EDA: variants seen among roughly 807,000 people sequenced by gnomAD.
The protein encoded by EDA is ectodysplasin-A.
EDA carries 2 observed loss-of-function variants against 23.6 expected under a neutral mutation model. That is an observed-to-expected ratio of 0.08 (90% CI 0.03 to 0.27). EDA has a LOEUF of 0.27. Among genes scored for constraint, EDA ranks in the 10% least tolerant of loss-of-function variants. The pLI is 1.00. For synonymous variants in EDA, 131 were observed against 132.0 expected (o/e 0.99, Z 0.05); for missense variants, 229 against 324.2 (o/e 0.71, Z 2.26).
intron 1 of EDA, among the ~76,000 whole-genome samples, chrX:69,855,788 G>C (rs12833975): frequency 1.8e-5 from 2 of 110,891 alleles, no homozygotes; most frequent in Non-Finnish European, 3.8e-5. Context: ...AGATTGTCTT[G>C]TATATTCGGG....
chrX:69,874,589 G>A (rs996173626), intron 1 of EDA, among the ~76,000 whole-genome samples: 4 of 111,354 alleles, frequency 3.6e-5, no homozygotes, highest in Non-Finnish European at 3.8e-5. Context: ...GAAACAAGAC[G>A]AGGATGCCCA....
intron 1 of EDA, among the ~76,000 whole-genome samples, chrX:69,950,956 G>A (rs1455607435): frequency 1.3e-5 from 1 of 75,657 alleles, no homozygotes; most frequent in African/African-American, 5.5e-5. Context: ...TGGGGGGAGG[G>A]GGGAGGGATA....
intron 1 of EDA, among the ~76,000 whole-genome samples, chrX:69,822,828 C>G (rs1169870701): frequency 2.0e-5 from 2 of 100,220 alleles, no homozygotes; most frequent in Non-Finnish European, 4.0e-5. Flanking sequence ...GGTATATCTC[C>G]CAATGCTATC....
intron 2 of EDA, among the ~76,000 whole-genome samples, chrX:69,968,218 G>A (rs2019201740): frequency 1.8e-5 from 2 of 111,751 alleles, no homozygotes; most frequent in African/African-American, 6.5e-5. Flanking sequence ...CATAGAGGAG[G>A]GAACCACAGA....
At chrX:69,663,237 C>T (rs1933569730) in intron 1 of EDA, among the ~76,000 whole-genome samples, 1 of 112,024 alleles carries the variant, frequency 8.9e-6, no homozygotes, top group African/African-American at 3.2e-5. Flanking sequence ...CCCCTGCCCT[C>T]ACAAGCCCAA....
intron 1 of EDA, among the ~76,000 whole-genome samples, chrX:69,884,658 T>G (rs1466394797): frequency 1.8e-5 from 2 of 112,347 alleles, no homozygotes; most frequent in African/African-American, 6.5e-5. Context: ...GTTATTCTAT[T>G]TTATTGTTGA....
intron 1 of EDA, among the ~76,000 whole-genome samples, chrX:69,634,946 T>C (rs1195126874): frequency 8.9e-6 from 1 of 112,295 alleles, no homozygotes; most frequent in African/African-American, 3.2e-5. Flanking sequence ...TATTTACTAT[T>C]GTGTTACAAT....
At chrX:69,713,535 A>G (rs1385125392) in intron 1 of EDA, among the ~76,000 whole-genome samples, 1 of 111,142 alleles carries the variant, frequency 9.0e-6, no homozygotes, top group Non-Finnish European at 1.9e-5. Flanking sequence ...CCTTTACCCC[A>G]TGTCTAACCC....
intron 1 of EDA, among the ~76,000 whole-genome samples, chrX:69,828,201 G>A (rs2147533279): frequency 8.9e-6 from 1 of 112,206 alleles, no homozygotes; most frequent in South Asian, 3.7e-4. Context: ...AGGCAGGCAG[G>A]CCTCCTTGAG....
intron 1 of EDA, among the ~76,000 whole-genome samples, chrX:69,879,194 C>T (rs1447726135): frequency 9.1e-6 from 1 of 110,015 alleles, no homozygotes; most frequent in African/African-American, 3.3e-5. Context: ...CGAAGTCTTT[C>T]ATATTGCTGT....
intron 1 of EDA, among the ~76,000 whole-genome samples, chrX:69,916,657 G>A (rs1021367470): frequency 3.7e-5 from 4 of 109,505 alleles, no homozygotes; most frequent in Non-Finnish European, 5.7e-5. Context: ...CACCCGCCTC[G>A]GCCTCCCAAA....
At chrX:69,651,849 G>GT (rs1198799792) in intron 1 of EDA, among the ~76,000 whole-genome samples, 10 of 110,591 alleles carry the variant, frequency 9.0e-5, no homozygotes, top group African/African-American at 3.3e-4. Flanking sequence ...GAGAGGGACA[G>GT]GAGCAGTTCA....
chrX:69,690,589 T>C (rs1370015575), intron 1 of EDA, among the ~76,000 whole-genome samples: 2 of 111,786 alleles, frequency 1.8e-5, no homozygotes, highest in Non-Finnish European at 3.8e-5. Context: ...TATATTGGTC[T>C]ATAGTTTTCT....
chrX:69,950,737 T>C (rs1327267027), intron 1 of EDA, among the ~76,000 whole-genome samples: 1 of 86,492 alleles, frequency 1.2e-5, no homozygotes, highest in African/African-American at 4.6e-5. Flanking sequence ...GTGGCACATA[T>C]ACACCATGGA....
At chrX:69,734,897 A>G (rs752525292) in intron 1 of EDA, among the ~76,000 whole-genome samples, 1 of 111,622 alleles carries the variant, frequency 9.0e-6, no homozygotes, top group East Asian at 2.8e-4. Context: ...ATGTGGAGGA[A>G]TTGGAACCCT....
intron 1 of EDA, among the ~76,000 whole-genome samples, chrX:69,757,496 A>G (rs1455928296): frequency 8.9e-6 from 1 of 112,239 alleles, no homozygotes; most frequent in African/African-American, 3.2e-5. Flanking sequence ...TTAGGAAGTA[A>G]AAGTTATCAT....
intron 1 of EDA, among the ~76,000 whole-genome samples, chrX:69,730,753 A>G (rs1464003505): frequency 1.8e-5 from 2 of 111,686 alleles, no homozygotes; most frequent in Non-Finnish European, 3.8e-5. Flanking sequence ...AAAAGAATCT[A>G]CCTTTTGTGA....
chrX:69,820,257 A>G (rs1323287697), intron 1 of EDA, among the ~76,000 whole-genome samples: 1 of 112,338 alleles, frequency 8.9e-6, no homozygotes, highest in Non-Finnish European at 1.9e-5. Context: ...GATGAATTAA[A>G]GACTTAAATG....
intron 1 of EDA, among the ~76,000 whole-genome samples, chrX:69,893,082 C>G (rs909335415): frequency 4.5e-5 from 5 of 111,158 alleles, no homozygotes; most frequent in African/African-American, 1.6e-4. Flanking sequence ...AGGTTTGGTT[C>G]CCTTTGTGGG....
Sources: gnomAD v4.1 joint callset for allele counts (sites outside exome capture counted in the v4.1 genomes callset) on GRCh38, gnomAD v4.1.1 for gene constraint, MANE v1.5 for transcripts, NCBI Gene and HGNC (gene_info 2026-07-23, HGNC 2026-07-21) for gene names.